The following GALNT2 variants were observed in gnomAD, a reference collection of about 807,000 sequenced individuals.
GALNT2 encodes the protein polypeptide N-acetylgalactosaminyltransferase 2.
Under a neutral mutation model 81.4 loss-of-function variants are expected in GALNT2, and 31 were observed. That is an observed-to-expected ratio of 0.38 (90% CI 0.29 to 0.51). The LOEUF is 0.51. Among genes scored for constraint, GALNT2 ranks in the 20% least tolerant of loss-of-function variants. The pLI is 0.87. For missense variants in GALNT2, 629 were observed against 765.7 expected, an observed-to-expected ratio of 0.82 and a Z score of 2.11; for synonymous variants, 303 against 287.4, an observed-to-expected ratio of 1.05 and a Z score of -0.55.
At chr1:230,270,741 C>A (rs1164247231) in intron 14 of GALNT2, among the ~76,000 whole-genome samples, 1 of 152,188 alleles carries the variant, frequency 6.6e-6, no homozygotes, top group Non-Finnish European at 1.5e-5. Context: ...GGTTTGTTAT[C>A]TGGTTTCCGG....
chr1:230,177,693 T>C (rs1663025964), intron 1 of GALNT2, among the ~76,000 whole-genome samples: 1 of 152,190 alleles, frequency 6.6e-6, no homozygotes, highest in African/African-American at 2.4e-5. Context: ...TAGAAAAAGC[T>C]TGGTGGCCCT....
chr1:230,157,581 G>A (rs965467147), intron 1 of GALNT2, among the ~76,000 whole-genome samples: 3 of 152,186 alleles, frequency 2.0e-5, no homozygotes, highest in South Asian at 2.1e-4. Context: ...ACTGTCCCAC[G>A]ACTGGGGAAT....
chr1:230,273,695 G>T (rs757803117), intron 14 of GALNT2, among the ~76,000 whole-genome samples: 1 of 152,122 alleles, frequency 6.6e-6, no homozygotes, highest in African/African-American at 2.4e-5. Flanking sequence ...GTGTGTGTTT[G>T]TTTGTTAACA....
intron 1 of GALNT2, among the ~76,000 whole-genome samples, chr1:230,086,085 A>G (rs1266282957): frequency 6.6e-6 from 1 of 152,234 alleles, no homozygotes; most frequent in Non-Finnish European, 1.5e-5. Context: ...GTCCACCTTC[A>G]TGGAATTCAC....
upstream of GALNT2, among the ~76,000 whole-genome samples, chr1:230,064,646 G>A (rs186683522): frequency 1.3e-5 from 2 of 152,228 alleles, no homozygotes; most frequent in Admixed American, 6.5e-5. Context: ...TCAGCCTCTC[G>A]AGTAGCTGCG....
At position 230,279,821 on chromosome 1, in the gene GALNT2, C is replaced by A. The variant is rs546399372; in HGVS notation, c.*363C>A. ...GGATGCGTGCGAGCTGAGGACAGGG[C>A]GGGAGGAGGGGGCACACATGCCCCA... On this transcript the variant is annotated 3_prime_UTR_variant, in exon 16 of 16. Transcript: ENST00000366672. The surrounding 1 kb of genome is among the most constrained non-coding windows in gnomAD (Gnocchi z 4.6). The A allele has an allele frequency of 2.1e-6, 1 of 479,986 alleles. No homozygotes were observed. 29.7% of individuals were successfully genotyped at this position (479,986 alleles called of 1,614,324 possible). A position where few individuals can be genotyped will look rare whatever the true frequency, so the allele number is the denominator to read the frequency against.
At chr1:230,198,670 G>C (rs1239228985) in intron 2 of GALNT2, among the ~76,000 whole-genome samples, 1 of 152,162 alleles carries the variant, frequency 6.6e-6, no homozygotes, top group Non-Finnish European at 1.5e-5. Flanking sequence ...GCATGGGGTC[G>C]CAGACAGGTG....
intron 1 of GALNT2, among the ~76,000 whole-genome samples, chr1:230,118,211 A>G (rs921880850): frequency 6.6e-6 from 1 of 152,218 alleles, no homozygotes; most frequent in Non-Finnish European, 1.5e-5. Context: ...CGTTGTCTGG[A>G]TATACCACAG....
intron 6 of GALNT2, among the ~76,000 whole-genome samples, chr1:230,239,396 T>G (rs929902099): frequency 2.0e-5 from 3 of 152,174 alleles, no homozygotes; most frequent in African/African-American, 7.2e-5. Context: ...GGGAAGCCAG[T>G]CCAAGTCCCA....
chr1:230,126,696 T>C (rs1661194334), intron 1 of GALNT2, among the ~76,000 whole-genome samples: 1 of 152,158 alleles, frequency 6.6e-6, no homozygotes, highest in Non-Finnish European at 1.5e-5. Context: ...AATGTCAATG[T>C]TGACAAAATC....
intron 2 of GALNT2, among the ~76,000 whole-genome samples, chr1:230,181,627 G>A (rs933870570): frequency 2.6e-5 from 4 of 151,812 alleles, no homozygotes; most frequent in Non-Finnish European, 5.9e-5. Context: ...GACCCCAGGT[G>A]ATCTGCCTGC....
chr1:230,179,445 A>G (rs1396485032), intron 2 of GALNT2, among the ~76,000 whole-genome samples: 3 of 152,204 alleles, frequency 2.0e-5, no homozygotes, highest in Admixed American at 1.3e-4. Context: ...CTGTTTCTCT[A>G]CATCCTCACC....
At chr1:230,073,105 G>A (rs12046584) in intron 1 of GALNT2, among the ~76,000 whole-genome samples, 12,736 of 152,246 alleles carry the variant, frequency 0.084, 774 homozygotes, top group East Asian at 0.36. Context: ...CCCTGAATGG[G>A]TCTGGGATAG....
At chr1:230,175,472 G>C (rs780153611) in intron 1 of GALNT2, among the ~76,000 whole-genome samples, 1 of 152,172 alleles carries the variant, frequency 6.6e-6, no homozygotes, top group Non-Finnish European at 1.5e-5. Context: ...GCAGTGTCCA[G>C]AGTGGGGCTT....
At chr1:230,127,116 G>A (rs973962572) in intron 1 of GALNT2, among the ~76,000 whole-genome samples, 5 of 152,068 alleles carry the variant, frequency 3.3e-5, no homozygotes, top group African/African-American at 1.2e-4. Context: ...CCCTCCCATT[G>A]CTGCCTGAGG....
In GALNT2 at chr1:230,191,146, T is replaced by C. The variant is rs78517535; in HGVS notation, c.221-11991T>C. 5.6e-3 allele frequency among the ~76,000 whole-genome samples: 849 copies of C among 152,332 alleles called. 2 individuals carry two copies. The highest frequency in any genetic ancestry group is 7.5e-3 in the Non-Finnish European group (507 of 68,036). On this transcript the variant is annotated intron_variant, in intron 2 of 15. Coordinates refer to ENST00000366672, the MANE Select transcript of GALNT2 (RefSeq NM_004481.5). ...TAATGGAGCTGTTTAAAAATAGTTA[T>C]CTTAAGCTTTATTAGTCGAAATACA...
intron 1 of GALNT2, among the ~76,000 whole-genome samples, chr1:230,096,582 G>C (rs1448058097): frequency 6.6e-6 from 1 of 150,986 alleles, no homozygotes; most frequent in African/African-American, 2.4e-5. Flanking sequence ...GTTTTTTTTT[G>C]TTGTTAATCC....
At chr1:230,219,416 T>A (rs901812923) in intron 3 of GALNT2, among the ~76,000 whole-genome samples, 3 of 152,066 alleles carry the variant, frequency 2.0e-5, no homozygotes, top group Non-Finnish European at 4.4e-5. Context: ...GCTGCCCAAG[T>A]GGCCTTGGTG....
At chr1:230,100,536 G>C (rs1660371904) in intron 1 of GALNT2, among the ~76,000 whole-genome samples, 1 of 152,142 alleles carries the variant, frequency 6.6e-6, no homozygotes, top group African/African-American at 2.4e-5. Context: ...ATGCTAGTCA[G>C]GCTGGTCTCG....
Sources: gnomAD v4.1 joint callset for allele counts (sites outside exome capture counted in the v4.1 genomes callset) on GRCh38, gnomAD v4.1.1 for gene constraint, Gnocchi (gnomAD v3.1) non-coding constraint, MANE v1.5 for transcripts, NCBI Gene and HGNC (gene_info 2026-07-23, HGNC 2026-07-21) for gene names.